Variants in LEKR1 observed in about 807,000 individuals in gnomAD.
The protein encoded by LEKR1 is leucine, glutamate and lysine rich 1.
LEKR1 carries 59 observed loss-of-function variants against 72.4 expected under a neutral mutation model. The ratio of observed to expected loss-of-function variants is 0.82; its 90% CI spans 0.66 to 1.01. The LOEUF is 1.01. LEKR1 is among the 50% of genes least tolerant of loss of function. LEKR1 has a pLI of 0.00. For synonymous variants in LEKR1, 257 were observed against 263.2 expected, an observed-to-expected ratio of 0.98 and a Z score of 0.23; for missense variants, 728 against 759.2, an observed-to-expected ratio of 0.96 and a Z score of 0.48.
At chr3:156,861,465 T>C (rs1342000909) in intron 3 of LEKR1, among the ~76,000 whole-genome samples, 1 of 152,152 alleles carries the variant, frequency 6.6e-6, no homozygotes, top group Non-Finnish European at 1.5e-5. Flanking sequence ...CCTAGGGAAC[T>C]ATTTTCAATC....
chr3:156,955,138 A>T (rs1311649120), intron 6 of LEKR1, among the ~76,000 whole-genome samples: 1 of 151,830 alleles, frequency 6.6e-6, no homozygotes, highest in East Asian at 1.9e-4. Flanking sequence ...ATGGGATTTC[A>T]TTCATTATTT....
At position 156,899,669 on chromosome 3, in the gene LEKR1, CATATATACACGCATATATACACAT is replaced by C. The variant is rs1404015643; in HGVS notation, c.264-20900_264-20877del. The stretch of plus-strand genomic sequence containing the variant: ...ACACATATATACACGCATATATACA[CATATATACACGCATATATACACAT>C]ATATACACGCATATATACACATATA... On this transcript the variant is annotated intron_variant, in intron 3 of 12. Coordinates refer to ENST00000356539, the MANE Select transcript of LEKR1 (RefSeq NM_001004316.3). 4.2e-4 allele frequency among the ~76,000 whole-genome samples: 57 copies of C among 136,836 alleles called. 2 individuals carry two copies. The highest frequency in any genetic ancestry group is 9.8e-4 in the Admixed American group (13 of 13,220). 89.8% of individuals were successfully genotyped at this position (136,836 alleles called of 152,430 possible). A position where few individuals can be genotyped will look rare whatever the true frequency, so the allele number is the denominator to read the frequency against.
At chr3:156,931,518 G>C (rs938787745) in intron 5 of LEKR1, among the ~76,000 whole-genome samples, 3 of 152,148 alleles carry the variant, frequency 2.0e-5, no homozygotes, top group Non-Finnish European at 2.9e-5. Flanking sequence ...ATGTGAAAAT[G>C]TACGTCCACA....
At chr3:156,983,015 A>AT (rs1730366473) in intron 7 of LEKR1, among the ~76,000 whole-genome samples, 3 of 152,030 alleles carry the variant, frequency 2.0e-5, no homozygotes, top group Admixed American at 2.0e-4. Flanking sequence ...CATTATGCCC[A>AT]TTTTTTAATT....
At position 156,885,628 on chromosome 3, in the gene LEKR1, A is replaced by G. The variant is rs1048937619; in HGVS notation, c.263+32646A>G. 3.9e-5 allele frequency among the ~76,000 whole-genome samples: 6 copies of G among 152,146 alleles called. No homozygotes were observed. In the South Asian group the frequency reaches 1.2e-3, roughly 32 times the overall value. ...TCCTGTGATGTGATCCATCTTCAGG[A>G]CTCCCAGCCATGGATACTAGCACCT... On this transcript the variant is annotated intron_variant, in intron 3 of 12. Coordinates refer to ENST00000356539, the MANE Select transcript of LEKR1 (RefSeq NM_001004316.3).
At chr3:156,948,965 G>C (rs1421237899) in intron 6 of LEKR1, among the ~76,000 whole-genome samples, 1 of 151,472 alleles carries the variant, frequency 6.6e-6, no homozygotes, top group Non-Finnish European at 1.5e-5. Context: ...GTCTTCTTTT[G>C]AGAAGTGTCT....
intron 6 of LEKR1, among the ~76,000 whole-genome samples, chr3:156,954,807 T>C (rs1422187584): frequency 3.3e-5 from 5 of 152,250 alleles, no homozygotes; most frequent in Non-Finnish European, 7.4e-5. Flanking sequence ...TCCAGCTTTG[T>C]TCTTTTTGAT....
intron 5 of LEKR1, among the ~76,000 whole-genome samples, chr3:156,934,639 G>A (rs73027767): frequency 0.017 from 2,589 of 152,020 alleles, 70 homozygotes; most frequent in African/African-American, 0.059. Context: ...AGGCTTTAAG[G>A]ATTGTTGGAA....
At chr3:156,847,464 AT>A (rs1251319218) in intron 2 of LEKR1, among the ~76,000 whole-genome samples, 1 of 152,220 alleles carries the variant, frequency 6.6e-6, no homozygotes, top group Non-Finnish European at 1.5e-5. Context: ...AAACGAGAGG[AT>A]GATATAATAC....
intron 5 of LEKR1, among the ~76,000 whole-genome samples, chr3:156,935,800 G>A (rs894019795): frequency 6.6e-6 from 1 of 151,958 alleles, no homozygotes; most frequent in Non-Finnish European, 1.5e-5. Flanking sequence ...TTGGATATGT[G>A]GAATGAAATA....
At chr3:156,986,369 G>A (rs968585378) in intron 7 of LEKR1, among the ~76,000 whole-genome samples, 3 of 152,114 alleles carry the variant, frequency 2.0e-5, no homozygotes, top group African/African-American at 7.2e-5. Flanking sequence ...ACTGGAGTAG[G>A]AGTAAAAGCA....
chr3:156,829,297 C>T lies in LEKR1; in HGVS notation c.-33C>T. The T allele has an allele frequency of 6.9e-7, 1 of 1,443,656 alleles. No individual in the cohort carries two copies. Among genetic ancestry groups the T allele is most frequent in the Admixed American group, 2.0e-5 (1 of 49,562 alleles). 89.4% of individuals were successfully genotyped at this position (1,443,656 alleles called of 1,614,324 possible). Reference sequence around the variant, plus strand: ...ATCAATGTTCTTAGATTTCCTTTGGCTTCAAAGCTCTCTCACCATATTTTG... The same window carrying T: ...ATCAATGTTCTTAGATTTCCTTTGGTTTCAAAGCTCTCTCACCATATTTTG... On this transcript the variant is annotated 5_prime_UTR_variant, in exon 2 of 13. Coordinates refer to ENST00000356539, the MANE Select transcript of LEKR1 (RefSeq NM_001004316.3).
chr3:157,008,600 T>C (rs79588114), intron 9 of LEKR1, among the ~76,000 whole-genome samples: 2,242 of 152,318 alleles, frequency 0.015, 26 homozygotes, highest in Non-Finnish European at 0.02. Flanking sequence ...CTGCGTTTTG[T>C]GGTTCTCAAC....
intron 3 of LEKR1, among the ~76,000 whole-genome samples, chr3:156,895,529 T>G (rs574374587): frequency 1.2e-3 from 187 of 152,088 alleles, no homozygotes; most frequent in African/African-American, 4.2e-3. Flanking sequence ...AGGGATCACT[T>G]GAGCCCAGGA....
intron 2 of LEKR1, among the ~76,000 whole-genome samples, chr3:156,830,091 C>T (rs1196185815): frequency 6.6e-6 from 1 of 152,224 alleles, no homozygotes; most frequent in East Asian, 1.9e-4. Flanking sequence ...TGTAAAAAAA[C>T]ATAACGAAGA....
intron 3 of LEKR1, among the ~76,000 whole-genome samples, chr3:156,915,651 T>G (rs1723563363): frequency 6.6e-6 from 1 of 152,116 alleles, no homozygotes; most frequent in Admixed American, 6.6e-5. Context: ...TTATACATGC[T>G]GCATATCGGG....
intron 3 of LEKR1, among the ~76,000 whole-genome samples, chr3:156,911,348 G>A (rs538633995): frequency 9.9e-5 from 15 of 151,642 alleles, no homozygotes; most frequent in South Asian, 8.4e-4. Context: ...TTTCTAATGC[G>A]GTTATTTGTA....
intron 3 of LEKR1, among the ~76,000 whole-genome samples, chr3:156,898,415 T>A (rs957477476): frequency 2.0e-5 from 3 of 152,080 alleles, no homozygotes; most frequent in Non-Finnish European, 4.4e-5. Context: ...AGTCCTCAAA[T>A]GCATTTATTA....
At chr3:157,016,949 A>G (rs751830339) in intron 10 of LEKR1, among the ~76,000 whole-genome samples, 1 of 152,208 alleles carries the variant, frequency 6.6e-6, no homozygotes, top group Non-Finnish European at 1.5e-5. Context: ...AATCCTAAAG[A>G]AGACAGGAAA....
Sources: allele counts gnomAD v4.1 joint callset (sites outside exome capture counted in the v4.1 genomes callset), GRCh38; gene constraint gnomAD v4.1.1; transcripts MANE v1.5; gene names NCBI Gene and HGNC (gene_info 2026-07-23, HGNC 2026-07-21).